SUSD4: variants seen among roughly 807,000 people sequenced by gnomAD.
SUSD4 encodes the protein sushi domain containing 4, also known as sushi domain-containing protein 4.
Under a neutral mutation model 50.5 loss-of-function variants are expected in SUSD4, and 41 were observed. That is an observed-to-expected ratio of 0.81 (90% CI 0.63 to 1.05). SUSD4 has a LOEUF of 1.05. SUSD4 is among the 50% of genes least tolerant of loss of function. The pLI is 0.00. For synonymous variants in SUSD4, 257 were observed against 257.3 expected (o/e 1.00, Z 0.01); for missense variants, 580 against 634.7 (o/e 0.91, Z 0.93).
chr1:223,282,174 G>C (rs1252332037), intron 3 of SUSD4, among the ~76,000 whole-genome samples: 1 of 152,126 alleles, frequency 6.6e-6, no homozygotes, highest in Admixed American at 6.6e-5. Context: ...TTTGAAAACT[G>C]GCACAAGACA....
At chr1:223,343,637 C>A (rs1667878150) in intron 2 of SUSD4, among the ~76,000 whole-genome samples, 1 of 152,112 alleles carries the variant, frequency 6.6e-6, no homozygotes, top group Admixed American at 6.5e-5. Context: ...AAAAGAGACA[C>A]ACATCACTTT....
intron 5 of SUSD4, among the ~76,000 whole-genome samples, chr1:223,262,159 T>C (rs1639151540): frequency 6.6e-6 from 1 of 152,118 alleles, no homozygotes; most frequent in Admixed American, 6.5e-5. Context: ...ACCCTGAGTG[T>C]GACAGGCACA....
At chr1:223,225,564 G>A (rs960051664) in intron 7 of SUSD4, among the ~76,000 whole-genome samples, 47 of 150,438 alleles carry the variant, frequency 3.1e-4, no homozygotes, top group Non-Finnish European at 5.9e-5. Context: ...ACAGCCACCA[G>A]TAGTTACTGC....
In SUSD4 at chr1:223,220,849, T is replaced by C; in HGVS notation, c.*1343A>G. ...ACTGTCATTTTCTTTTAATTTTTAA[T>C]CAGTCTGTGTCAAGAAGAAACAGGA... On this transcript the variant is annotated 3_prime_UTR_variant, in exon 9 of 9. Coordinates refer to ENST00000366878, the MANE Select transcript of SUSD4 (RefSeq NM_017982.4). 1 of 394,678 alleles carries C rather than the reference T, an allele frequency of 2.5e-6. No homozygotes were observed. Among genetic ancestry groups the C allele is most frequent in the Non-Finnish European group, 4.5e-6 (1 of 223,564 alleles). The allele number at this position is 394,678 out of a possible 1,614,324, so 24.4% of individuals were successfully genotyped here. A position where few individuals can be genotyped will look rare whatever the true frequency, so the allele number is the denominator to read the frequency against.
At chr1:223,320,070 A>C (rs1666479251) in intron 2 of SUSD4, among the ~76,000 whole-genome samples, 2 of 152,360 alleles carry the variant, frequency 1.3e-5, no homozygotes, top group African/African-American at 4.8e-5. Context: ...ACAATGCCTG[A>C]TGCAGGGACG....
intron 2 of SUSD4, among the ~76,000 whole-genome samples, chr1:223,362,160 G>A (rs1172496340): frequency 3.3e-5 from 5 of 152,214 alleles, no homozygotes; most frequent in Non-Finnish European, 7.3e-5. Flanking sequence ...GCATCTTTCA[G>A]ATGTCTAAGT....
intron 8 of SUSD4, among the ~76,000 whole-genome samples, 158 bp downstream of exon 8, chr1:223,223,091 T>C (rs1030874435): frequency 3.9e-5 from 6 of 152,168 alleles, no homozygotes; most frequent in African/African-American, 1.4e-4. Context: ...GGCCTCTACA[T>C]GGAGAGAGAG....
Position 223,334,709 on chromosome 1 carries a change from C to T in SUSD4, c.148+28569G>A, listed in dbSNP as rs138075827. 2.8e-4 allele frequency among the ~76,000 whole-genome samples: 42 copies of T among 152,124 alleles called. No individual in the cohort carries two copies. The East Asian group carries it at 6.6e-3, about 24-fold the overall frequency. On this transcript the variant is annotated intron_variant, in intron 2 of 8. Transcript: ENST00000366878. ...GAAATTTTTTAAAATTTTTTATTTC[C>T]GTAGGTTTTTGGAGAACAGGTGGTA...
chr1:223,263,976 T>C, intron 5 of SUSD4: 1 of 985,474 alleles, frequency 1.0e-6, no homozygotes, highest in Non-Finnish European at 1.2e-6. Flanking sequence ...ACTTTCAAGA[T>C]CTGAGTTAAA....
rs151124100 is a variant in SUSD4 at position 223,227,057 on chromosome 1, C to T, written c.1061+537G>A. Among the ~76,000 whole-genome samples, 131 of 152,318 alleles carry T rather than the reference C, an allele frequency of 8.6e-4. No individual in the cohort carries two copies. Among genetic ancestry groups the T allele is most frequent in the African/African-American group, 2.8e-3 (118 of 41,568 alleles). On this transcript the variant is annotated intron_variant, in intron 7 of 8. Coordinates refer to ENST00000366878, the MANE Select transcript of SUSD4 (RefSeq NM_017982.4). The surrounding 1 kb of genome is among the most constrained non-coding windows in gnomAD (Gnocchi z 4.5). ...GTAGAAGCGCCTTCCACATGTCCCACTCCAGGGGTTCAGATAAGACTTCAT... is the reference window on the plus strand; with the variant it reads ...GTAGAAGCGCCTTCCACATGTCCCATTCCAGGGGTTCAGATAAGACTTCAT...
At chr1:223,339,380 G>T (rs181358006) in intron 2 of SUSD4, among the ~76,000 whole-genome samples, 260 of 152,222 alleles carry the variant, frequency 1.7e-3, no homozygotes, top group African/African-American at 6.1e-3. Context: ...GTCAGGGCAG[G>T]GCCAAGATCA....
chr1:223,232,132 A>G (rs1370170891), intron 5 of SUSD4, among the ~76,000 whole-genome samples: 1 of 152,178 alleles, frequency 6.6e-6, no homozygotes, highest in African/African-American at 2.4e-5. Flanking sequence ...AATACATAAA[A>G]CCAGGGAGCA....
intron 3 of SUSD4, among the ~76,000 whole-genome samples, chr1:223,284,461 C>T (rs1663994792): frequency 2.0e-5 from 3 of 152,194 alleles, no homozygotes; most frequent in African/African-American, 4.8e-5. Flanking sequence ...TTCAGCCTCT[C>T]AGAGGCTTCA....
intron 3 of SUSD4, among the ~76,000 whole-genome samples, chr1:223,275,891 GAAA>G (rs1558205300): frequency 6.6e-6 from 1 of 152,092 alleles, no homozygotes; most frequent in Non-Finnish European, 1.5e-5. Flanking sequence ...ATGTAATAAA[GAAA>G]AACAGAACCT....
At chr1:223,285,458 C>A (rs190120199) in intron 3 of SUSD4, among the ~76,000 whole-genome samples, 35 of 152,258 alleles carry the variant, frequency 2.3e-4, no homozygotes, top group African/African-American at 8.2e-4. Flanking sequence ...CCACAGAGAA[C>A]TCAGATTCAA....
intron 5 of SUSD4, among the ~76,000 whole-genome samples, chr1:223,256,506 T>C (rs1661702665): frequency 6.6e-6 from 1 of 152,222 alleles, no homozygotes; most frequent in African/African-American, 2.4e-5. Context: ...GCTCTCCTCC[T>C]GCAGATGACT....
chr1:223,347,832 T>C (rs780493491), intron 2 of SUSD4, among the ~76,000 whole-genome samples: 7 of 110,562 alleles, frequency 6.3e-5, no homozygotes, highest in African/African-American at 1.1e-4. Flanking sequence ...GTGGATCCTG[T>C]TGTGATGATT....
chr1:223,354,747 C>T (rs999736406), intron 2 of SUSD4, among the ~76,000 whole-genome samples: 2 of 152,292 alleles, frequency 1.3e-5, no homozygotes, highest in South Asian at 2.1e-4. Flanking sequence ...ACAAGATTAA[C>T]TCTAAACCTA....
At chr1:223,275,857 T>G (rs1663226490) in intron 3 of SUSD4, among the ~76,000 whole-genome samples, 1 of 152,158 alleles carries the variant, frequency 6.6e-6, no homozygotes, top group South Asian at 2.1e-4. Context: ...CGCTGGCCCA[T>G]CTCTTAGCAG....
Sources: allele counts gnomAD v4.1 joint callset (sites outside exome capture counted in the v4.1 genomes callset), GRCh38; gene constraint gnomAD v4.1.1; non-coding constraint Gnocchi (gnomAD v3.1); transcripts MANE v1.5; gene names NCBI Gene and HGNC (gene_info 2026-07-23, HGNC 2026-07-21).